The following CACNG6 variants were observed in gnomAD, a reference collection of about 807,000 sequenced individuals.
CACNG6 encodes the protein voltage-dependent calcium channel gamma-6 subunit.
A neutral mutation model predicts 23.9 loss-of-function variants in CACNG6; 21 were observed. That is an observed-to-expected ratio of 0.88 (90% CI 0.62 to 1.26). The LOEUF is 1.26. Ranked by LOEUF, CACNG6 falls within the 50% of genes most tolerant of loss-of-function variation. The pLI, the probability that CACNG6 is intolerant of heterozygous loss-of-function variation, is 0.00. For synonymous variants in CACNG6, 182 were observed against 168.9 expected (o/e 1.08, Z -0.60); for missense variants, 340 against 352.9 (o/e 0.96, Z 0.29).
chr19:54,000,518 G>A (rs1025704826), intron 3 of CACNG6, among the ~76,000 whole-genome samples: 3 of 152,158 alleles, frequency 2.0e-5, no homozygotes, highest in Non-Finnish European at 4.4e-5. Context: ...TCAGTTTATT[G>A]TACTTCCAGT....
chr19:53,999,554 G>C (rs897411426), intron 2 of CACNG6, 80 bp from the exon 3 acceptor site: 3 of 1,495,540 alleles, frequency 2.0e-6, no homozygotes, highest in Non-Finnish European at 2.7e-6. Flanking sequence ...ACATCTTCCT[G>C]GTTCTGGGTT....
chr19:54,007,411 C>A (rs1179853964), intron 3 of CACNG6, among the ~76,000 whole-genome samples: 1 of 152,170 alleles, frequency 6.6e-6, no homozygotes, highest in African/African-American at 2.4e-5. Context: ...GGGGTCAGGA[C>A]CCCAAAACAT....
chr19:53,993,656 T>C (rs1220180309), intron 1 of CACNG6, among the ~76,000 whole-genome samples: 1 of 147,854 alleles, frequency 6.8e-6, no homozygotes, highest in East Asian at 2.0e-4. Context: ...ACCCCGACTA[T>C]CCTGTACCCC....
intron 3 of CACNG6, among the ~76,000 whole-genome samples, chr19:54,001,242 G>T (rs1488411490): frequency 6.7e-6 from 1 of 150,130 alleles, no homozygotes; most frequent in Non-Finnish European, 1.5e-5. Context: ...ACGCTGGAGT[G>T]CAGTGGCACA....
intron 2 of CACNG6, among the ~76,000 whole-genome samples, chr19:53,998,992 G>C (rs2069549401): frequency 6.6e-6 from 1 of 152,096 alleles, no homozygotes; most frequent in Non-Finnish European, 1.5e-5. Flanking sequence ...CCTGCAGGGT[G>C]GGGGCTTTAT....
At chr19:53,997,215 T>C (rs2145955423) in intron 1 of CACNG6, among the ~76,000 whole-genome samples, 1 of 152,244 alleles carries the variant, frequency 6.6e-6, no homozygotes, top group Admixed American at 6.5e-5. Context: ...TAATTATCAT[T>C]ATTGTTTTGA....
Position 54,006,398 on chromosome 19 carries a change from C to T in CACNG6, c.545-5553C>T, listed in dbSNP as rs150973257. The stretch of plus-strand genomic sequence containing the variant: ...CTGGAGGCTGGAGGTCTAAGACCAA[C>T]GCGTCCACAGGGAAGTTTTCTCCAA... On this transcript the variant is annotated intron_variant, in intron 3 of 3. Coordinates refer to ENST00000252729, the MANE Select transcript of CACNG6 (RefSeq NM_145814.2). Among the ~76,000 whole-genome samples, 469 of 152,060 alleles carry T rather than the reference C, an allele frequency of 3.1e-3. 2 individuals are homozygous for T. The highest frequency in any genetic ancestry group is 7.3e-3 in the Admixed American group (111 of 15,256).
chr19:53,999,834 G>A (rs1600056901), intron 3 of CACNG6, 63 bp downstream of exon 3: 3 of 1,582,278 alleles, frequency 1.9e-6, no homozygotes, highest in East Asian at 4.5e-5. Flanking sequence ...AGGCACTGTT[G>A]CATGCTGGGA....
chr19:54,002,275 G>GTTTTGTTTTT (rs2069585153), intron 3 of CACNG6, among the ~76,000 whole-genome samples: 1 of 116,436 alleles, frequency 8.6e-6, no homozygotes, highest in Admixed American at 8.7e-5. Flanking sequence ...CGGTTTTTTT[G>GTTTTGTTTTT]TTTTTTTTGT....
At chr19:53,996,046 C>T (rs2069517918) in intron 1 of CACNG6, among the ~76,000 whole-genome samples, 2 of 152,220 alleles carry the variant, frequency 1.3e-5, no homozygotes, top group African/African-American at 2.4e-5. Flanking sequence ...CACCTCCCCT[C>T]GGGGTACTTG....
chr19:54,011,451 A>AAAC lies in CACNG6; in HGVS notation c.545-497_545-495dup, dbSNP rs1568820557. Among the ~76,000 whole-genome samples, 7 of 139,772 alleles carry AAAC rather than the reference A, an allele frequency of 5.0e-5. 1 individual carries two copies. The highest frequency in any genetic ancestry group is 5.3e-5 in the African/African-American group (2 of 37,394). The allele number at this position is 139,772 out of a possible 152,430, so 91.7% of individuals were successfully genotyped here. On this transcript the variant is annotated intron_variant, in intron 3 of 3. Transcript: ENST00000252729. ...GTCTCAAAAAAAAAAAAAAAAAAAA[A>AAAC]AACAAAACAAAACAAAAACAAAAAA...
At chr19:54,000,393 A>G (rs2069563944) in intron 3 of CACNG6, among the ~76,000 whole-genome samples, 1 of 152,162 alleles carries the variant, frequency 6.6e-6, no homozygotes, top group African/African-American at 2.4e-5. Context: ...TGGTCTCTAA[A>G]TGCTCTTTTA....
intron 3 of CACNG6, among the ~76,000 whole-genome samples, chr19:54,011,205 A>AAAAAAATATATAT (rs58054808): frequency 6.8e-5 from 7 of 102,502 alleles, no homozygotes; most frequent in African/African-American, 3.5e-4. Flanking sequence ...AAAAAAAAAA[A>AAAAAAATATATAT]ATATATATAT....
At chr19:53,991,391 G>C (rs2069456759), upstream of CACNG6, among the ~76,000 whole-genome samples, 1 of 151,930 alleles carries the variant, frequency 6.6e-6, no homozygotes, top group Non-Finnish European at 1.5e-5. Context: ...TGCGGAGCTG[G>C]GACTCTCGGC....
chr19:54,006,484 T>C (rs1487659159), intron 3 of CACNG6, among the ~76,000 whole-genome samples: 2 of 151,400 alleles, frequency 1.3e-5, no homozygotes, highest in African/African-American at 4.8e-5. Context: ...TGGTCTTCCC[T>C]CTGTACTGGT....
At position 54,009,242 on chromosome 19, in the gene CACNG6, G is replaced by A. The variant is rs369688033; in HGVS notation, c.545-2709G>A. Among the ~76,000 whole-genome samples the A allele has an allele frequency of 5.9e-5, 9 of 152,114 alleles. No individual in the cohort carries two copies. In the East Asian group the frequency reaches 1.5e-3, roughly 26 times the overall value. On this transcript the variant is annotated intron_variant, in intron 3 of 3. Coordinates refer to ENST00000252729, the MANE Select transcript of CACNG6 (RefSeq NM_145814.2). ...TCGAGACCAGCCTGGCCAACGTGGT[G>A]AAACCCCGTCTCTACTAAAAACACA...
intron 3 of CACNG6, among the ~76,000 whole-genome samples, chr19:54,006,897 T>A (rs962868243): frequency 7.7e-4 from 117 of 151,778 alleles, no homozygotes; most frequent in African/African-American, 2.8e-3. Flanking sequence ...AGGGTCTCAC[T>A]CTGTTGCCCA....
chr19:53,998,502 TAGAGAACTC>T (rs2069544260), intron 2 of CACNG6, among the ~76,000 whole-genome samples, 189 bp downstream of exon 2: 8 of 139,816 alleles, frequency 5.7e-5, no homozygotes, highest in Admixed American at 2.3e-4. Context: ...CTAGAGAATC[TAGAGAACTC>T]TTTTTTTTTT....
At chr19:54,010,832 C>T (rs394777) in intron 3 of CACNG6, among the ~76,000 whole-genome samples, 8,871 of 152,048 alleles carry the variant, frequency 0.058, 398 homozygotes, top group African/African-American at 0.12. Flanking sequence ...CCTTCGTCCT[C>T]GGCGTCCCAA....
Sources: gnomAD v4.1 joint callset for allele counts (sites outside exome capture counted in the v4.1 genomes callset) on GRCh38, gnomAD v4.1.1 for gene constraint, MANE v1.5 for transcripts, NCBI Gene and HGNC (gene_info 2026-07-23, HGNC 2026-07-21) for gene names.